Variants in ANKRD18B observed in about 807,000 individuals in gnomAD.
ANKRD18B encodes ankyrin repeat domain-containing protein 18B.
ANKRD18B carries 75 observed loss-of-function variants against 111.8 expected under a neutral mutation model. That is an observed-to-expected ratio of 0.67 (90% confidence interval 0.56 to 0.81). The LOEUF is 0.81. ANKRD18B is among the 40% of genes least tolerant of loss of function. The pLI, the probability that ANKRD18B is intolerant of heterozygous loss-of-function variation, is 0.00. For synonymous variants in ANKRD18B, 356 were observed against 417.3 expected (o/e 0.85, Z 1.79); for missense variants, 1,038 against 1,225.5 (o/e 0.85, Z 2.28).
downstream of ANKRD18B, chr9:33,573,216 A>C (rs1416621475): frequency 3.0e-6 from 3 of 985,240 alleles, no homozygotes; most frequent in East Asian, 1.1e-4. Flanking sequence ...GCCACCGAGG[A>C]AGCACAGGCG....
At chr9:33,574,562 C>T (rs545995069), downstream of ANKRD18B, 1 of 152,936 alleles carries the variant, frequency 6.5e-6, no homozygotes, top group African/African-American at 2.4e-5. Flanking sequence ...GGCGCCCCTC[C>T]TCTGTCTGCA....
intron 3 of ANKRD18B, among the ~76,000 whole-genome samples, chr9:33,532,245 A>T (rs1276523199): frequency 6.6e-6 from 1 of 151,628 alleles, no homozygotes; most frequent in Non-Finnish European, 1.5e-5. Context: ...AAAAAAAAAG[A>T]AAAAAAGTGC....
At chr9:33,553,271 G>A (rs989430094) in intron 12 of ANKRD18B, among the ~76,000 whole-genome samples, 1 of 152,036 alleles carries the variant, frequency 6.6e-6, no homozygotes, top group African/African-American at 2.4e-5. Flanking sequence ...TGGAGGCTGT[G>A]GTAGGAGGGT....
rs1827992737 is a variant in ANKRD18B, at chr9:33,524,374, G to A, written c.-116G>A. On this transcript the variant is annotated 5_prime_UTR_variant, in exon 1 of 19. Transcript: ENST00000684830. ...TTTGGGGGTGCATCTTGGATTTAGG[G>A]GTGGATCGCTGGGTGGGGAGGGGGA... 3 of 1,398,056 alleles carry A rather than the reference G, an allele frequency of 2.1e-6. No individual in the cohort carries two copies. Among genetic ancestry groups the A allele is most frequent in the Non-Finnish European group, 2.9e-6 (3 of 1,051,794 alleles). 86.6% of individuals were successfully genotyped at this position (1,398,056 alleles called of 1,614,324 possible).
chr9:33,566,315 G>C lies in ANKRD18B; in HGVS notation c.2557G>C (p.Gly853Arg), dbSNP rs41306100. Residue 853 changes from glycine to arginine, a missense_variant, in exon 15 of 19, where the codon GGA (glycine) becomes CGA (arginine). Physicochemically the swap from Gly to Arg is moderately radical, Grantham distance 125. Around this residue, in one of 4 missense-constraint regions of ANKRD18B, gnomAD observed 524 missense variants for 677.9 expected, o/e 0.77. Coordinates refer to ENST00000684830, the MANE Select transcript of ANKRD18B (RefSeq NM_001393611.1). ...EVLHQELLSM[G>R]KVQEKCEKLE... ...TCTTCATCAGGAGTTATTATCTATG[G>C]GAAAAGTACAAGAGAAATGTGAAAA... 12 of 1,562,722 alleles carry C rather than the reference G, an allele frequency of 7.7e-6. No individual in the cohort carries two copies. The highest frequency in any genetic ancestry group is 1.0e-5 in the Non-Finnish European group (12 of 1,151,202).
rs540757173 is a variant in ANKRD18B, at chr9:33,548,171, G to C, written c.1383G>C (p.Gln461His). 9.1e-6 allele frequency: 14 copies of C among 1,546,578 alleles called. No individual in the cohort carries two copies. In the Admixed American group the frequency reaches 1.4e-4, roughly 15 times the overall value. Residue 461 changes from glutamine to histidine, a missense_variant, in exon 11 of 19, where the codon CAG becomes CAC. Physicochemically the swap from Gln to His is conservative, Grantham distance 24. Coordinates refer to ENST00000684830, the MANE Select transcript of ANKRD18B (RefSeq NM_001393611.1). The part of the protein sequence containing the change: ...ITKKVAQYSQ[Q>H]LNDLKAENAR... ...AAAAAGTGGCCCAGTATTCGCAACA[G>C]CTTAATGATCTGAAAGCTGAGAATG...
Position 33,568,770 on chromosome 9 carries a change from G to A in ANKRD18B, c.3054G>A (p.Glu1018=), listed in dbSNP as rs1264413545. Residue 1018 remains glutamate (E), a synonymous_variant, in exon 17 of 19, where the codon GAG becomes GAA. Coordinates refer to ENST00000684830, the MANE Select transcript of ANKRD18B (RefSeq NM_001393611.1). ...LSTLPMRPDP[E]LPCVENLNSI... is the part of the protein sequence containing the mutation. Reference sequence around the variant, plus strand: ...CTCTTCCTATGAGGCCAGACCCAGAGTTACCTTGTGTTGAAAATCTTAATA... The same window carrying A: ...CTCTTCCTATGAGGCCAGACCCAGAATTACCTTGTGTTGAAAATCTTAATA... 1.3e-6 allele frequency: 2 copies of A among 1,551,294 alleles called. No homozygotes were observed. Among genetic ancestry groups the A allele is most frequent in the East Asian group, 4.9e-5 (2 of 40,908 alleles).
chr9:33,529,373 G>A (rs1407842807), intron 3 of ANKRD18B, among the ~76,000 whole-genome samples, 200 bp downstream of exon 3: 2 of 152,188 alleles, frequency 1.3e-5, no homozygotes, highest in East Asian at 1.9e-4. Context: ...CTTATGGGAA[G>A]TATTTGTGAA....
intron 10 of ANKRD18B, 70 bp downstream of exon 10, chr9:33,543,325 C>T: frequency 7.9e-7 from 1 of 1,268,270 alleles, no homozygotes; most frequent in South Asian, 1.5e-5. Flanking sequence ...TAGCATAGTC[C>T]AAATGAAGTG....
intron 10 of ANKRD18B, 103 bp from the exon 11 acceptor site, chr9:33,547,835 G>A (rs1323326146): frequency 4.8e-6 from 4 of 834,076 alleles, no homozygotes; most frequent in Non-Finnish European, 5.2e-6. Context: ...TCCACTTACA[G>A]CAACTTTTAA....
intron 13 of ANKRD18B, among the ~76,000 whole-genome samples, chr9:33,556,052 G>C (rs62556634): frequency 6.6e-6 from 1 of 151,914 alleles, no homozygotes; most frequent in African/African-American, 2.4e-5. Context: ...TCAAATTTCA[G>C]TATAAAAACA....
At chr9:33,552,453 T>C (rs486547) in intron 12 of ANKRD18B, among the ~76,000 whole-genome samples, 2 of 152,172 alleles carry the variant, frequency 1.3e-5, no homozygotes, top group African/African-American at 2.4e-5. Context: ...TGGGAGGGAA[T>C]TGATTCAGAA....
intron 14 of ANKRD18B, among the ~76,000 whole-genome samples, chr9:33,559,659 A>AT (rs1408865090): frequency 5.3e-5 from 8 of 152,100 alleles, no homozygotes; most frequent in Non-Finnish European, 8.8e-5. Context: ...TACTTTAAAA[A>AT]ATATATATGT....
chr9:33,527,319 T>TTGTTTGTC (rs1239044907), intron 1 of ANKRD18B, among the ~76,000 whole-genome samples: 1 of 148,798 alleles, frequency 6.7e-6, no homozygotes, highest in East Asian at 2.0e-4. Flanking sequence ...TTTTGTTTGT[T>TTGTTTGTC]TGTTTGTTTG....
chr9:33,527,383 G>T (rs190712901), intron 1 of ANKRD18B, among the ~76,000 whole-genome samples: 2 of 151,896 alleles, frequency 1.3e-5, no homozygotes, highest in Non-Finnish European at 2.9e-5. Flanking sequence ...GTGCAGTGGC[G>T]TGATCTCAGC....
At chr9:33,566,880 A>G (rs377292733) in intron 15 of ANKRD18B, 4 of 502,338 alleles carry the variant, frequency 8.0e-6, no homozygotes, top group East Asian at 7.4e-5. Context: ...GGACCAGATT[A>G]CATTAATACT....
chr9:33,555,420 A>T (rs1035627673), intron 12 of ANKRD18B, among the ~76,000 whole-genome samples: 10 of 152,216 alleles, frequency 6.6e-5, no homozygotes, highest in African/African-American at 2.4e-4. Flanking sequence ...ACTACTCTTA[A>T]TTCATCTTAC....
rs993874662 is a variant in ANKRD18B at position 33,550,023 on chromosome 9, C to T, written c.2068-407C>T. Among the ~76,000 whole-genome samples the T allele has an allele frequency of 1.2e-4, 18 of 151,938 alleles. No individual in the cohort carries two copies. In the East Asian group the frequency reaches 3.1e-3, roughly 26 times the overall value. ...ACGGAGAGTGGGATTGAAGTTTGTACGGGACAGAGTTGTAGGAGCTGAGGT... is the reference window on the plus strand; with the variant it reads ...ACGGAGAGTGGGATTGAAGTTTGTATGGGACAGAGTTGTAGGAGCTGAGGT... On this transcript the variant is annotated intron_variant, in intron 11 of 18. Transcript: ENST00000684830.
At chr9:33,544,053 C>A (rs1264162754) in intron 10 of ANKRD18B, among the ~76,000 whole-genome samples, 1 of 152,014 alleles carries the variant, frequency 6.6e-6, no homozygotes, top group East Asian at 1.9e-4. Flanking sequence ...TTTAATTAAT[C>A]CTAGAAATAT....
Sources: gnomAD v4.1 joint callset for allele counts (sites outside exome capture counted in the v4.1 genomes callset) on GRCh38, gnomAD v4.1.1 for gene constraint, gnomAD v4.1.1 regional missense constraint, MANE v1.5 for transcripts, NCBI Gene and HGNC (gene_info 2026-07-23, HGNC 2026-07-21) for gene names.